The following RIC1 variants were observed in gnomAD, a reference collection of about 807,000 sequenced individuals.
The protein encoded by RIC1 is RIC1 partner of RAB6A GEF complex.
A neutral mutation model predicts 169.0 loss-of-function variants in RIC1; 88 were observed. The ratio of observed to expected loss-of-function variants is 0.52; its 90% CI spans 0.44 to 0.62. The LOEUF (loss-of-function observed/expected upper bound fraction) is 0.62. Among genes scored for constraint, RIC1 ranks in the 20% least tolerant of loss-of-function variants. RIC1 has a pLI of 0.00. For synonymous variants in RIC1, 790 were observed against 601.5 expected (o/e 1.31, Z -4.59); for missense variants, 1,877 against 1,725.5 (o/e 1.09, Z -1.56).
intron 23 of RIC1, 58 bp from the exon 24 acceptor site, chr9:5,772,506 A>T: frequency 7.3e-7 from 1 of 1,378,392 alleles, no homozygotes; most frequent in Non-Finnish European, 9.8e-7. Flanking sequence ...ATTTAAAATT[A>T]AAGGAAAATA....
chr9:5,636,952 TA>T (rs777401351), intron 1 of RIC1, among the ~76,000 whole-genome samples: 1 of 152,234 alleles, frequency 6.6e-6, no homozygotes, highest in Non-Finnish European at 1.5e-5. Flanking sequence ...TTTTTAATAT[TA>T]ATGAATTTAA....
intron 2 of RIC1, among the ~76,000 whole-genome samples, chr9:5,685,230 C>G (rs1463539113): frequency 1.3e-5 from 2 of 148,906 alleles, no homozygotes; most frequent in Non-Finnish European, 3.0e-5. Context: ...CAATGCCATC[C>G]CCATCAAGCT....
intron 3 of RIC1, among the ~76,000 whole-genome samples, chr9:5,703,161 C>G (rs766080460): frequency 7.9e-5 from 12 of 152,200 alleles, no homozygotes; most frequent in Admixed American, 7.2e-4. Context: ...AAACTAGTCT[C>G]TTCTGCCTAT....
intron 14 of RIC1, among the ~76,000 whole-genome samples, chr9:5,754,194 A>T (rs1358567152): frequency 3.3e-5 from 5 of 152,032 alleles, no homozygotes; most frequent in African/African-American, 1.2e-4. Flanking sequence ...TGATCTTTTG[A>T]TGTAAACACA....
At position 5,747,330 on chromosome 9, in the gene RIC1, G is replaced by A; in HGVS notation, c.1277G>A (p.Gly426Asp). The A allele has an allele frequency of 6.2e-7, 1 of 1,613,996 alleles. No individual in the cohort carries two copies. Among genetic ancestry groups the A allele is most frequent in the Non-Finnish European group, 8.5e-7 (1 of 1,179,946 alleles). ...MSNQEQVLLQGEDRLYLNCGE... is the reference protein window; with the variant it reads ...MSNQEQVLLQDEDRLYLNCGE... ...AACCAAGAGCAGGTGTTGCTTCAGG[G>A]TGAGGATCGCTTGTACTTGAACTGT... The change falls in exon 12 of 26, where the codon GGT (glycine) becomes GAT (aspartate). Residue 426 changes from glycine (G) to aspartate (D), a missense_variant. Gly to Asp is a moderately conservative substitution (Grantham distance 94). Coordinates refer to ENST00000414202, the MANE Select transcript of RIC1 (RefSeq NM_020829.4).
At chr9:5,737,754 C>T (rs763104870) in intron 7 of RIC1, among the ~76,000 whole-genome samples, 6 of 151,334 alleles carry the variant, frequency 4.0e-5, no homozygotes, top group Non-Finnish European at 8.8e-5. Context: ...GGAAACCTTA[C>T]TGACAATATA....
At chr9:5,668,737 A>T (rs112489753) in intron 2 of RIC1, among the ~76,000 whole-genome samples, 1 of 152,130 alleles carries the variant, frequency 6.6e-6, no homozygotes, top group African/African-American at 2.4e-5. Flanking sequence ...TTCCTTTAAA[A>T]AAAATTTTCC....
chr9:5,689,215 AT>A (rs1033485601), intron 2 of RIC1, among the ~76,000 whole-genome samples: 147 of 151,394 alleles, frequency 9.7e-4, no homozygotes, highest in Non-Finnish European at 1.9e-3. Flanking sequence ...CGCCCGGCTA[AT>A]TTTTTTGTAT....
At chr9:5,768,358 C>G (rs1826945081) in intron 21 of RIC1, among the ~76,000 whole-genome samples, 2 of 151,998 alleles carry the variant, frequency 1.3e-5, no homozygotes, top group African/African-American at 4.8e-5. Flanking sequence ...AGATCCCATC[C>G]TTGCAAAAAT....
At chr9:5,638,035 T>G (rs1412977465) in intron 1 of RIC1, among the ~76,000 whole-genome samples, 1 of 152,198 alleles carries the variant, frequency 6.6e-6, no homozygotes, top group East Asian at 1.9e-4. Context: ...TATACCCAGT[T>G]TTTTTAGGGT....
chr9:5,669,744 C>A (rs1460605060), intron 2 of RIC1, among the ~76,000 whole-genome samples: 8 of 152,146 alleles, frequency 5.3e-5, no homozygotes, highest in Admixed American at 5.2e-4. Context: ...ACTTCTTCAG[C>A]ATGGGCAAGT....
intron 2 of RIC1, among the ~76,000 whole-genome samples, chr9:5,681,405 T>C (rs1259689803): frequency 6.6e-6 from 1 of 151,584 alleles, no homozygotes; most frequent in East Asian, 1.9e-4. Context: ...TATTTCTGCC[T>C]TCATTTCGCA....
At chr9:5,645,338 C>T (rs1818452525) in intron 1 of RIC1, among the ~76,000 whole-genome samples, 1 of 152,178 alleles carries the variant, frequency 6.6e-6, no homozygotes, top group African/African-American at 2.4e-5. Flanking sequence ...GATGCCCAGA[C>T]CATTTTTGTT....
chr9:5,677,218 C>T (rs1247987966), intron 2 of RIC1, among the ~76,000 whole-genome samples: 2 of 152,110 alleles, frequency 1.3e-5, no homozygotes, highest in Admixed American at 6.6e-5. Flanking sequence ...TTTAGTCATT[C>T]TGGTAGTGGT....
chr9:5,738,931 G>A (rs571624777), intron 8 of RIC1, among the ~76,000 whole-genome samples: 59 of 152,120 alleles, frequency 3.9e-4, no homozygotes, highest in African/African-American at 1.3e-3. Flanking sequence ...TTTGATAGTT[G>A]AGTGCCGTCA....
chr9:5,707,117 G>C (rs961374786), intron 3 of RIC1, among the ~76,000 whole-genome samples: 1 of 152,014 alleles, frequency 6.6e-6, no homozygotes, highest in Non-Finnish European at 1.5e-5. Flanking sequence ...AGCATTTCCT[G>C]ATTTCCCTTT....
chr9:5,770,159 A>G lies in RIC1; in HGVS notation c.3497A>G (p.Asn1166Ser), dbSNP rs776829636. 10 of 1,613,734 alleles carry G rather than the reference A, an allele frequency of 6.2e-6. No homozygotes were observed. The highest frequency in any genetic ancestry group is 7.6e-6 in the Non-Finnish European group (9 of 1,179,848). Reference protein sequence around the residue: ...LNLEMDAGISNIQRSQSWLSN... With the variant: ...LNLEMDAGISSIQRSQSWLSN... The stretch of plus-strand genomic sequence containing the variant: ...CTTGAGATGGATGCTGGCATCTCCA[A>G]CATCCAGCGAAGTCAGAGCTGGCTC... The change falls in exon 23 of 26, where the codon AAC (asparagine) becomes AGC (serine). Residue 1166 changes from asparagine to serine, a missense_variant. Coordinates refer to ENST00000414202, the MANE Select transcript of RIC1 (RefSeq NM_020829.4).
chr9:5,694,746 T>G (rs2130736952), intron 3 of RIC1, among the ~76,000 whole-genome samples: 1 of 151,632 alleles, frequency 6.6e-6, no homozygotes, highest in Middle Eastern at 3.5e-3. Flanking sequence ...GACTGGAGGC[T>G]GTCTCAATGT....
chr9:5,702,489 A>G (rs1379179974), intron 3 of RIC1, among the ~76,000 whole-genome samples: 1 of 151,324 alleles, frequency 6.6e-6, no homozygotes, highest in Non-Finnish European at 1.5e-5. Flanking sequence ...GGTGCTACAC[A>G]CTTACACACT....
Sources: allele counts gnomAD v4.1 joint callset (sites outside exome capture counted in the v4.1 genomes callset), GRCh38; gene constraint gnomAD v4.1.1; transcripts MANE v1.5; gene names NCBI Gene and HGNC (gene_info 2026-07-23, HGNC 2026-07-21).